FARP2: variants seen among roughly 807,000 people sequenced by gnomAD.
The protein encoded by FARP2 is FERM, ARH/RhoGEF and pleckstrin domain protein 2.
A neutral mutation model predicts 130.5 loss-of-function variants in FARP2; 111 were observed. The observed-to-expected ratio is 0.85, with a 90% CI of 0.73 to 1.00. The LOEUF (loss-of-function observed/expected upper bound fraction) is 1.00, where lower values mean the gene tolerates loss of function less well. Ranked by LOEUF, FARP2 falls within the 50% of genes least tolerant of loss-of-function variation. The probability of loss-of-function intolerance (pLI) is 0.00; values close to 1 mark genes in which losing one functional copy is unlikely to be tolerated. For missense variants in FARP2, 1,385 were observed against 1,346.3 expected (o/e 1.03, Z -0.45); for synonymous variants, 504 against 516.9 (o/e 0.98, Z 0.34).
At chr2:241,364,535 A>C (rs1409186109) in intron 1 of FARP2, among the ~76,000 whole-genome samples, 1 of 152,262 alleles carries the variant, frequency 6.6e-6, no homozygotes, top group Non-Finnish European at 1.5e-5. Flanking sequence ...TTAAGGCTAC[A>C]GTTAAAAAAT....
rs748504168 is a variant in FARP2, at chr2:241,491,690, A to G, written c.2787+11A>G. On this transcript the variant is annotated intron_variant, in intron 24 of 26. Transcript: ENST00000264042. ...AGTGCAGCTGTCGAGGTACGACCGCATGAGCACCACCTCAGTGCATCTGGA... is the reference window on the plus strand; with the variant it reads ...AGTGCAGCTGTCGAGGTACGACCGCGTGAGCACCACCTCAGTGCATCTGGA... 2.5e-6 allele frequency: 4 copies of G among 1,583,222 alleles called. No homozygotes were observed. The South Asian group carries it at 4.6e-5, about 18-fold the overall frequency.
chr2:241,391,291 A>G (rs1019866556), intron 2 of FARP2, among the ~76,000 whole-genome samples: 2 of 152,242 alleles, frequency 1.3e-5, no homozygotes, highest in African/African-American at 4.8e-5. Context: ...AGTTAGTAGC[A>G]GGTTGCTTCT....
At chr2:241,486,488 CACAG>C (rs1302487481) in intron 21 of FARP2, among the ~76,000 whole-genome samples, 1 of 100,344 alleles carries the variant, frequency 1.0e-5, no homozygotes, top group Non-Finnish European at 2.0e-5. Context: ...AAAAAAAAAA[CACAG>C]AGAAAAGAAA....
intron 13 of FARP2, among the ~76,000 whole-genome samples, chr2:241,448,502 A>G (rs2063568344): frequency 2.0e-5 from 3 of 152,206 alleles, no homozygotes; most frequent in Admixed American, 6.5e-5. Flanking sequence ...CCATTGTTCC[A>G]ATAGAAAGAT....
chr2:241,493,597 GT>G (rs11320829), intron 26 of FARP2, 153 bp downstream of exon 26: 147,498 of 552,292 alleles, frequency 0.27, 6,239 homozygotes, highest in Admixed American at 0.41. Flanking sequence ...GCAATGCTTT[GT>G]TTTTTTTTTT....
chr2:241,483,692 G>A (rs544293526), intron 20 of FARP2, 159 bp downstream of exon 20: 1 of 763,196 alleles, frequency 1.3e-6, no homozygotes, highest in Admixed American at 6.2e-5. Flanking sequence ...GACAGGGCCA[G>A]GGGAGGGTCA....
chr2:241,373,176 T>C lies in FARP2; in HGVS notation c.69T>C (p.Pro23=), dbSNP rs2061461051. 1 of 1,570,804 alleles carries C rather than the reference T, an allele frequency of 6.4e-7. No homozygotes were observed. The highest frequency in any genetic ancestry group is 8.7e-7 in the Non-Finnish European group (1 of 1,152,408). The change falls in exon 2 of 27, where the codon CCT becomes CCC. Residue 23 remains proline, a synonymous_variant. Transcript: ENST00000264042. ...TAGMRLGAQT[P]VGVSTLEPGQ... is the part of the protein sequence containing the mutation. ...GGATGCGCTTGGGTGCCCAGACCCCTGTGGGAGTTAGCACCCTTGAGCCTG... is the reference window on the plus strand; with the variant it reads ...GGATGCGCTTGGGTGCCCAGACCCCCGTGGGAGTTAGCACCCTTGAGCCTG...
Position 241,436,551 on chromosome 2 carries a change from CG to C in FARP2, c.1158+15del. On this transcript the variant is annotated intron_variant, in intron 12 of 26. Coordinates refer to ENST00000264042, the MANE Select transcript of FARP2 (RefSeq NM_014808.4). ...CCTACCAAAACAGGTTAGTCTCTTCCGGTTCAACATGGGGGCAGTAGGAGTT... is the reference window on the plus strand; with the variant it reads ...CCTACCAAAACAGGTTAGTCTCTTCCGTTCAACATGGGGGCAGTAGGAGTT... The C allele has an allele frequency of 1.2e-6, 2 of 1,612,216 alleles. No individual in the cohort carries two copies. Among genetic ancestry groups the C allele is most frequent in the South Asian group, 2.2e-5 (2 of 91,044 alleles).
intron 13 of FARP2, among the ~76,000 whole-genome samples, chr2:241,454,152 A>G (rs1263387450): frequency 6.6e-6 from 1 of 152,036 alleles, no homozygotes; most frequent in Non-Finnish European, 1.5e-5. Context: ...CAACCCCAGC[A>G]GCGTCATAGC....
At chr2:241,367,210 C>A (rs185015399) in intron 1 of FARP2, among the ~76,000 whole-genome samples, 2 of 152,178 alleles carry the variant, frequency 1.3e-5, no homozygotes, top group South Asian at 2.1e-4. Context: ...TGGGGCCAAG[C>A]GTGGTTTCTG....
intron 5 of FARP2, chr2:241,410,808 T>C: frequency 2.0e-6 from 1 of 494,224 alleles, no homozygotes; most frequent in Non-Finnish European, 3.7e-6. Flanking sequence ...TGTGTGTGAC[T>C]CAGTCTGCTG....
At chr2:241,389,373 G>A (rs1001666027) in intron 2 of FARP2, among the ~76,000 whole-genome samples, 4 of 152,204 alleles carry the variant, frequency 2.6e-5, no homozygotes, top group Admixed American at 2.0e-4. Context: ...CTCTCTCTGT[G>A]CTACTCCACT....
intron 8 of FARP2, among the ~76,000 whole-genome samples, chr2:241,431,474 T>C (rs2063088578): frequency 6.6e-6 from 1 of 151,868 alleles, no homozygotes. Flanking sequence ...AGACTCCATC[T>C]CAAAAAAAAA....
At chr2:241,366,104 A>ATATATATATATATACATATATATATAC (rs1553705628) in intron 1 of FARP2, among the ~76,000 whole-genome samples, 8 of 57,012 alleles carry the variant, frequency 1.4e-4, no homozygotes, top group East Asian at 7.3e-4. Flanking sequence ...AAAAAAAAAA[A>ATATATATATATATACATATATATATAC]ATATATATAT....
intron 8 of FARP2, among the ~76,000 whole-genome samples, chr2:241,420,354 G>A (rs1027842560): frequency 1.3e-5 from 2 of 152,124 alleles, no homozygotes; most frequent in African/African-American, 4.8e-5. Flanking sequence ...AAAATTATAT[G>A]TGCACTATAT....
At position 241,373,212 on chromosome 2, in the gene FARP2, C is replaced by G. The variant is rs758869377; in HGVS notation, c.105C>G (p.Leu35=). ...GCACCCTTGAGCCTGGGCAGACTCT[C>G]TTGCCCAGAATGCAAGAGAAGCACC... ...GVSTLEPGQT[L]LPRMQEKHLH... Residue 35 remains leucine, a synonymous_variant, in exon 2 of 27, where the codon CTC becomes CTG. Coordinates refer to ENST00000264042, the MANE Select transcript of FARP2 (RefSeq NM_014808.4). 52 of 1,575,766 alleles carry G rather than the reference C, an allele frequency of 3.3e-5. No individual in the cohort carries two copies. The highest frequency in any genetic ancestry group is 4.1e-5 in the Non-Finnish European group (47 of 1,155,676).
At chr2:241,382,124 G>A (rs2061674057) in intron 2 of FARP2, among the ~76,000 whole-genome samples, 1 of 152,012 alleles carries the variant, frequency 6.6e-6, no homozygotes, top group Non-Finnish European at 1.5e-5. Flanking sequence ...ATACCCTTCT[G>A]GCCTTTTATA....
intron 13 of FARP2, chr2:241,443,860 A>G (rs1574836510): frequency 1.3e-5 from 2 of 152,232 alleles, no homozygotes; most frequent in Admixed American, 6.5e-5. Context: ...GAAACTTTAC[A>G]TTTCATTCCT....
At chr2:241,416,922 G>A (rs1047217234) in intron 7 of FARP2, among the ~76,000 whole-genome samples, 2 of 151,776 alleles carry the variant, frequency 1.3e-5, no homozygotes, top group East Asian at 1.9e-4. Context: ...ACGAATGAGC[G>A]AGTGAGTGGG....
Sources: allele counts gnomAD v4.1 joint callset (sites outside exome capture counted in the v4.1 genomes callset), GRCh38; gene constraint gnomAD v4.1.1; transcripts MANE v1.5; gene names NCBI Gene and HGNC (gene_info 2026-07-23, HGNC 2026-07-21).